Variants in LRP2 observed in about 807,000 individuals in gnomAD.
The protein encoded by LRP2 is low-density lipoprotein receptor-related protein 2.
Under a neutral mutation model 531.0 loss-of-function variants are expected in LRP2, and 172 were observed. The ratio of observed to expected loss-of-function variants is 0.32; its 90% CI spans 0.29 to 0.37. The LOEUF is 0.37. Ranked by LOEUF, LRP2 falls within the 10% of genes least tolerant of loss-of-function variation. The pLI, the probability that LRP2 is intolerant of heterozygous loss-of-function variation, is 1.00. For missense variants in LRP2, 5,167 were observed against 5,868.3 expected (o/e 0.88, Z 3.90); for synonymous variants, 1,992 against 2,027.6 (o/e 0.98, Z 0.47).
Position 169,152,808 on chromosome 2 carries a change from C to T in LRP2, c.12452G>A (p.Trp4151Ter). 1 of 1,613,994 alleles carries T rather than the reference C, an allele frequency of 6.2e-7. No individual in the cohort carries two copies. Among genetic ancestry groups the T allele is most frequent in the Non-Finnish European group, 8.5e-7 (1 of 1,179,894 alleles). ...VMQPDGIAVD[W>*]VGRHIYWSDV... is the part of the protein sequence containing the mutation. ...TGTATGGCAAATTTACCTTCCAACC[C>T]AGTCCACTGCTATTCCATCTGGCTG... Residue 4151 changes from tryptophan to a stop codon, truncating the protein, a stop_gained, in exon 67 of 79, where the codon TGG (tryptophan) becomes TAG (stop). Coordinates refer to ENST00000649046, the MANE Select transcript of LRP2 (RefSeq NM_004525.3). LOFTEE classifies it high-confidence loss of function.
chr2:169,204,123 CAT>C lies in LRP2; in HGVS notation c.7862_7863del (p.Tyr2621Ter). The C allele has an allele frequency of 6.2e-7, 1 of 1,614,176 alleles. No homozygotes were observed. The highest frequency in any genetic ancestry group is 8.5e-7 in the Non-Finnish European group (1 of 1,180,034). On this transcript the variant is annotated frameshift_variant, in exon 42 of 79. Coordinates refer to ENST00000649046, the MANE Select transcript of LRP2 (RefSeq NM_004525.3). LOFTEE classifies it high-confidence loss of function. ...GTCATTGCAATCTGACCTGACCCGT[CAT>C]ATTTGTTAGCTCGGTAAATTCTTTG... is the stretch of plus-strand genomic sequence containing the variant. ...YTQRIYRANK[Y>X]DGSGQIAMTT...
chr2:169,338,381 A>G (rs1053654505), intron 1 of LRP2, among the ~76,000 whole-genome samples: 4 of 126,842 alleles, frequency 3.2e-5, no homozygotes, highest in African/African-American at 1.3e-4. Context: ...AGAAAGAAAG[A>G]AAGAAAGAAA....
At chr2:169,259,292 T>C in intron 16 of LRP2, 75 bp from the exon 17 acceptor site, 1 of 973,812 alleles carries the variant, frequency 1.0e-6, no homozygotes, top group East Asian at 2.6e-5. Context: ...TAATGCACAC[T>C]GAAATTTTGT....
intron 34 of LRP2, among the ~76,000 whole-genome samples, chr2:169,218,652 G>C (rs2105350383): frequency 6.6e-6 from 1 of 152,184 alleles, no homozygotes; most frequent in African/African-American, 2.4e-5. Context: ...GTAAATAGGT[G>C]GACTGCATGT....
chr2:169,344,660 C>T (rs1685650933), intron 1 of LRP2, among the ~76,000 whole-genome samples: 2 of 152,188 alleles, frequency 1.3e-5, no homozygotes, highest in African/African-American at 4.8e-5. Context: ...TATTATATCC[C>T]TCATCGAGTT....
intron 31 of LRP2, among the ~76,000 whole-genome samples, chr2:169,228,543 C>A (rs1176797322): frequency 6.6e-6 from 1 of 152,082 alleles, no homozygotes; most frequent in Non-Finnish European, 1.5e-5. Context: ...AATTCTCAAC[C>A]AAAGCATTGT....
chr2:169,171,506 A>C (rs72874753), intron 58 of LRP2, among the ~76,000 whole-genome samples: 412 of 152,216 alleles, frequency 2.7e-3, no homozygotes, highest in Middle Eastern at 6.8e-3. Context: ...CTGTCCTGTT[A>C]ATTAACTGTT....
At position 169,291,016 on chromosome 2, in the gene LRP2, A is replaced by G. The variant is rs199738088; in HGVS notation, c.770-19T>C. Reference sequence around the variant, plus strand: ...CCGCTTTCTGTGGGGGGAAAAAGAGAGAGTTACAGGCCATAGGGGAGGTAC... The same window carrying G: ...CCGCTTTCTGTGGGGGGAAAAAGAGGGAGTTACAGGCCATAGGGGAGGTAC... On this transcript the variant is annotated intron_variant, in intron 7 of 78. Transcript: ENST00000649046. 9 of 1,613,434 alleles carry G rather than the reference A, an allele frequency of 5.6e-6. No homozygotes were observed. In the East Asian group the frequency reaches 2.0e-4, roughly 36 times the overall value.
In LRP2 at chr2:169,176,508, C is replaced by T. The variant is rs771366080; in HGVS notation, c.10474G>A (p.Glu3492Lys). 32 of 1,614,058 alleles carry T rather than the reference C, an allele frequency of 2.0e-5. No individual in the cohort carries two copies. The highest frequency in any genetic ancestry group is 2.7e-5 in the African/African-American group (2 of 74,906). Reference sequence around the variant, plus strand: ...AGGGTGCGGAAGTCATCTGGACACTCGCAAGTGAACCCTTTTCCTCCTGGC... The same window carrying T: ...AGGGTGCGGAAGTCATCTGGACACTTGCAAGTGAACCCTTTTCCTCCTGGC... ...IKPGGKGFTCECPDDFRTLQL... is the reference protein window; with the variant it reads ...IKPGGKGFTCKCPDDFRTLQL... The change falls in exon 54 of 79, where the codon GAG becomes AAG. Residue 3492 changes from glutamate to lysine, a missense_variant. Coordinates refer to ENST00000649046, the MANE Select transcript of LRP2 (RefSeq NM_004525.3).
At chr2:169,279,261 G>C in intron 12 of LRP2, 111 bp downstream of exon 12, 2 of 810,358 alleles carry the variant, frequency 2.5e-6, no homozygotes, top group South Asian at 2.8e-5. Flanking sequence ...AGAGTATACA[G>C]CCTAAAAGAA....
chr2:169,323,679 AG>A (rs1350670894), intron 1 of LRP2, among the ~76,000 whole-genome samples: 1 of 151,392 alleles, frequency 6.6e-6, no homozygotes, highest in Non-Finnish European at 1.5e-5. Context: ...AGCCACCCAC[AG>A]GGAGAAAAAA....
chr2:169,258,161 C>T (rs537550631), intron 17 of LRP2, among the ~76,000 whole-genome samples: 2 of 152,224 alleles, frequency 1.3e-5, no homozygotes, highest in East Asian at 3.9e-4. Flanking sequence ...ACTCTAGATG[C>T]AGCAAACAGA....
chr2:169,148,899 T>C (rs1373098264), intron 68 of LRP2, among the ~76,000 whole-genome samples: 1 of 152,174 alleles, frequency 6.6e-6, no homozygotes, highest in Non-Finnish European at 1.5e-5. Flanking sequence ...CTCACCCACA[T>C]TGACCTCACA....
intron 1 of LRP2, among the ~76,000 whole-genome samples, chr2:169,337,037 T>G (rs1685424506): frequency 6.6e-6 from 1 of 152,138 alleles, no homozygotes; most frequent in Admixed American, 6.5e-5. Flanking sequence ...TGGTCCCACC[T>G]CCGCCTGACT....
intron 1 of LRP2, among the ~76,000 whole-genome samples, chr2:169,361,356 C>CTCTGTT (rs879721006): frequency 7.0e-5 from 8 of 114,358 alleles, no homozygotes; most frequent in Admixed American, 1.7e-4. Flanking sequence ...CTCTGTCTCT[C>CTCTGTT]TCTCTCTCTC....
At chr2:169,273,974 GA>G (rs2105442111) in intron 14 of LRP2, among the ~76,000 whole-genome samples, 1 of 152,190 alleles carries the variant, frequency 6.6e-6, no homozygotes, top group East Asian at 1.9e-4. Context: ...TCTATTTTTA[GA>G]CAAGTTTATA....
rs746275407 is a variant in LRP2 at position 169,236,086 on chromosome 2, T to C, written c.4692-18A>G. The C allele has an allele frequency of 1.9e-6, 3 of 1,569,976 alleles. No individual in the cohort carries two copies. Among genetic ancestry groups the C allele is most frequent in the Non-Finnish European group, 2.6e-6 (3 of 1,142,218 alleles). The stretch of plus-strand genomic sequence containing the variant: ...GATGCTCACTGGGAAAGGAAATGAG[T>C]TACCAATTGGAGGGGACGTATTTAA... On this transcript the variant is annotated intron_variant, in intron 28 of 78. Coordinates refer to ENST00000649046, the MANE Select transcript of LRP2 (RefSeq NM_004525.3).
intron 7 of LRP2, 99 bp from the exon 8 acceptor site, chr2:169,291,096 G>A: frequency 9.6e-7 from 1 of 1,038,332 alleles, no homozygotes; most frequent in Non-Finnish European, 1.4e-6. Flanking sequence ...AGTTGAACAA[G>A]AGAAATCTAT....
intron 3 of LRP2, among the ~76,000 whole-genome samples, chr2:169,317,048 T>C (rs72880420): frequency 0.048 from 7,269 of 152,222 alleles, 216 homozygotes; most frequent in Non-Finnish European, 0.06. Context: ...GCATATTTTG[T>C]TTGTGGTTAA....
Sources: gnomAD v4.1 joint callset for allele counts (sites outside exome capture counted in the v4.1 genomes callset) on GRCh38, gnomAD v4.1.1 for gene constraint, MANE v1.5 for transcripts, NCBI Gene and HGNC (gene_info 2026-07-23, HGNC 2026-07-21) for gene names.